The following UBE2R2 variants were observed in gnomAD, a reference collection of about 807,000 sequenced individuals.
UBE2R2 encodes ubiquitin-conjugating enzyme E2 R2.
In UBE2R2, 1 loss-of-function variant was observed where a neutral mutation model predicts 27.8. The observed-to-expected ratio is 0.04, with a 90% CI of 0.01 to 0.17. The LOEUF (loss-of-function observed/expected upper bound fraction) is 0.17. Ranked by LOEUF, UBE2R2 falls within the 10% of genes least tolerant of loss-of-function variation. UBE2R2 has a pLI of 1.00. For synonymous variants in UBE2R2, 106 were observed against 113.3 expected (o/e 0.94, Z 0.41); for missense variants, 100 against 291.0 (o/e 0.34, Z 4.78).
chr9:33,827,964 C>T (rs546414924), intron 1 of UBE2R2, among the ~76,000 whole-genome samples: 2 of 146,390 alleles, frequency 1.4e-5, no homozygotes, highest in South Asian at 4.3e-4. Flanking sequence ...TAGCAAGACT[C>T]CCTCTCAAAA....
intron 1 of UBE2R2, among the ~76,000 whole-genome samples, chr9:33,835,179 T>C (rs903991616): frequency 4.9e-5 from 7 of 142,330 alleles, no homozygotes; most frequent in Non-Finnish European, 9.1e-5. Context: ...ACCCAATCTC[T>C]TTCTGTTGCC....
At chr9:33,835,891 G>A (rs144604054) in intron 1 of UBE2R2, among the ~76,000 whole-genome samples, 5,632 of 152,274 alleles carry the variant, frequency 0.037, 147 homozygotes, top group Non-Finnish European at 0.057. Context: ...TCTAAAAAAG[G>A]CTTGTAGAAG....
rs1383391020 is a variant in UBE2R2, at chr9:33,817,600, G to C, written c.-158G>C. On this transcript the variant is annotated 5_prime_UTR_variant, in exon 1 of 5. Transcript: ENST00000263228. Reference sequence around the variant, plus strand: ...GAGGAGGACCCCGGGCGGGCCCACGGGCCGTGTGGGGCCTGGTCTGGCCCG... The same window carrying C: ...GAGGAGGACCCCGGGCGGGCCCACGCGCCGTGTGGGGCCTGGTCTGGCCCG... The C allele has an allele frequency of 2.5e-5, 22 of 871,760 alleles. No homozygotes were observed. In the South Asian group the frequency reaches 1.0e-3, roughly 40 times the overall value. The allele number at this position is 871,760 out of a possible 1,614,324, so 54.0% of individuals were successfully genotyped here.
At chr9:33,909,234 C>A (rs983661615) in intron 3 of UBE2R2, among the ~76,000 whole-genome samples, 2 of 152,090 alleles carry the variant, frequency 1.3e-5, no homozygotes, top group African/African-American at 4.8e-5. Context: ...CGCCTGTAGT[C>A]CCACAATTTG....
rs1822541790 is a variant in UBE2R2 at position 33,913,457 on chromosome 9, T to A, written c.497+1359T>A. ...TTATTATTTTTGTAGAGATGAGGTC[T>A]TGCTGTGTTGCCCAGCCTGGTCTTG... On this transcript the variant is annotated intron_variant, in intron 4 of 4. Transcript: ENST00000263228. Among the ~76,000 whole-genome samples, 3 of 152,122 alleles carry A rather than the reference T, an allele frequency of 2.0e-5. No homozygotes were observed. The South Asian group carries it at 6.2e-4, about 32-fold the overall frequency.
At chr9:33,873,491 A>C (rs1821532951) in intron 1 of UBE2R2, among the ~76,000 whole-genome samples, 1 of 152,236 alleles carries the variant, frequency 6.6e-6, no homozygotes, top group South Asian at 2.1e-4. Flanking sequence ...ATGTATATGC[A>C]CTGTATAACT....
intron 1 of UBE2R2, among the ~76,000 whole-genome samples, chr9:33,875,450 A>G (rs1476087228): frequency 6.6e-6 from 1 of 152,158 alleles, no homozygotes; most frequent in Non-Finnish European, 1.5e-5. Flanking sequence ...ATGATTTAAG[A>G]TTATCTTGGA....
chr9:33,905,660 A>G (rs747460036), intron 3 of UBE2R2, among the ~76,000 whole-genome samples: 133 of 152,220 alleles, frequency 8.7e-4, no homozygotes, highest in Non-Finnish European at 1.5e-3. Flanking sequence ...AAACCCGTTA[A>G]GCTACTATAT....
chr9:33,837,270 G>A (rs1820634292), intron 1 of UBE2R2, among the ~76,000 whole-genome samples: 1 of 151,948 alleles, frequency 6.6e-6, no homozygotes, highest in East Asian at 1.9e-4. Flanking sequence ...TTAGGCTGGA[G>A]TGCAGGGGTG....
At chr9:33,916,307 C>T (rs1286916379) in intron 4 of UBE2R2, among the ~76,000 whole-genome samples, 3 of 152,184 alleles carry the variant, frequency 2.0e-5, no homozygotes, top group African/African-American at 7.2e-5. Flanking sequence ...CGCCGCTGCA[C>T]TCCAGCCTGG....
chr9:33,819,937 A>G (rs1396582666), intron 1 of UBE2R2, among the ~76,000 whole-genome samples: 1 of 152,220 alleles, frequency 6.6e-6, no homozygotes, highest in Non-Finnish European at 1.5e-5. Flanking sequence ...GCGCCCGGCC[A>G]TGATGCCTTT....
In UBE2R2 at chr9:33,817,247, C is replaced by G. The variant is rs1234289935; in HGVS notation, c.-511C>G. Among the ~76,000 whole-genome samples, 2 of 150,276 alleles carry G rather than the reference C, an allele frequency of 1.3e-5. No individual in the cohort carries two copies. The highest frequency in any genetic ancestry group is 4.9e-5 in the African/African-American group (2 of 40,838). ...GCCCCTCCCCCCGCGCAGCCCCCGC[C>G]GCCACCGCCGCGAGACCCCCGCACG... On this transcript the variant is annotated 5_prime_UTR_variant, in exon 1 of 5. Transcript: ENST00000263228.
intron 3 of UBE2R2, among the ~76,000 whole-genome samples, chr9:33,911,329 T>C (rs1210753661): frequency 7.4e-6 from 1 of 134,894 alleles, no homozygotes; most frequent in Non-Finnish European, 1.5e-5. Context: ...GGAGAATCGC[T>C]TGAACCTGGG....
intron 1 of UBE2R2, among the ~76,000 whole-genome samples, chr9:33,878,649 G>T (rs1245626258): frequency 6.6e-6 from 1 of 152,102 alleles, no homozygotes; most frequent in Non-Finnish European, 1.5e-5. Flanking sequence ...ATTTATTAGA[G>T]AACATAGGAA....
At chr9:33,881,760 A>G (rs978506087) in intron 1 of UBE2R2, among the ~76,000 whole-genome samples, 4 of 152,172 alleles carry the variant, frequency 2.6e-5, no homozygotes, top group African/African-American at 9.7e-5. Flanking sequence ...GGAGGTCATG[A>G]TACCAATATG....
intron 1 of UBE2R2, among the ~76,000 whole-genome samples, chr9:33,856,867 G>GTCCT (rs33963858): frequency 2.2e-5 from 3 of 136,958 alleles, no homozygotes; most frequent in African/African-American, 5.5e-5. Flanking sequence ...CCGTCTGTCC[G>GTCCT]TCCTTCCTTC....
intron 3 of UBE2R2, among the ~76,000 whole-genome samples, chr9:33,909,159 G>C (rs1822430636): frequency 6.6e-6 from 1 of 152,114 alleles, no homozygotes; most frequent in African/African-American, 2.4e-5. Flanking sequence ...GTCATTGAAA[G>C]TTATTAGTAC....
chr9:33,875,971 A>T (rs899794670), intron 1 of UBE2R2, among the ~76,000 whole-genome samples: 8 of 152,376 alleles, frequency 5.3e-5, no homozygotes, highest in Middle Eastern at 3.4e-3. Flanking sequence ...AAGAAATTTC[A>T]GTGACAAGTT....
intron 1 of UBE2R2, among the ~76,000 whole-genome samples, chr9:33,849,345 G>T (rs1358608861): frequency 6.6e-6 from 1 of 152,070 alleles, no homozygotes; most frequent in Non-Finnish European, 1.5e-5. Flanking sequence ...TTATCTTTTT[G>T]TGTGTGTAGG....
Sources: gnomAD v4.1 joint callset for allele counts (sites outside exome capture counted in the v4.1 genomes callset) on GRCh38, gnomAD v4.1.1 for gene constraint, MANE v1.5 for transcripts, NCBI Gene and HGNC (gene_info 2026-07-23, HGNC 2026-07-21) for gene names.